FCRL5: variants seen among roughly 807,000 people sequenced by gnomAD.
FCRL5 encodes the protein Fc receptor-like protein 5.
FCRL5 carries 79 observed loss-of-function variants against 92.1 expected under a neutral mutation model. The observed-to-expected ratio is 0.86, with a 90% CI of 0.72 to 1.03. FCRL5 has a LOEUF of 1.03. Ranked by LOEUF, FCRL5 falls within the 50% of genes least tolerant of loss-of-function variation. The probability of loss-of-function intolerance (pLI) is 0.00; values close to 1 mark genes in which losing one functional copy is unlikely to be tolerated. For missense variants in FCRL5, 1,160 were observed against 1,181.1 expected (o/e 0.98, Z 0.26); for synonymous variants, 466 against 469.3 (o/e 0.99, Z 0.09).
chr1:157,524,770 GT>G (rs1249016094), intron 9 of FCRL5, among the ~76,000 whole-genome samples: 2 of 152,180 alleles, frequency 1.3e-5, no homozygotes, highest in African/African-American at 2.4e-5. Flanking sequence ...ACTCAAATGT[GT>G]TTGAAGAATG....
At chr1:157,518,606 T>C (rs1650036409) in intron 14 of FCRL5, 94 bp downstream of exon 14, 2 of 1,457,004 alleles carry the variant, frequency 1.4e-6, no homozygotes, top group African/African-American at 2.8e-5. Flanking sequence ...TAGAGCCCTC[T>C]AGGCCTCGGC....
At chr1:157,543,906 G>C (rs1651391234) in intron 5 of FCRL5, among the ~76,000 whole-genome samples, 1 of 151,992 alleles carries the variant, frequency 6.6e-6, no homozygotes, top group Non-Finnish European at 1.5e-5. Context: ...TGTTAATTGG[G>C]ACAACAGATA....
Position 157,524,260 on chromosome 1 carries a change from G to A in FCRL5, c.2239+19C>T, listed in dbSNP as rs1650322532. On this transcript the variant is annotated intron_variant, in intron 10 of 16. Transcript: ENST00000361835. ...CAGTCAGTTCTCAGATGTGCTGCTG[G>A]TGGGCAGGGCCCACTCACCTGCAAC... The A allele has an allele frequency of 6.2e-7, 1 of 1,613,642 alleles. No homozygotes were observed. Among genetic ancestry groups the A allele is most frequent in the Non-Finnish European group, 8.5e-7 (1 of 1,179,592 alleles).
At chr1:157,540,462 A>G (rs528001142) in intron 6 of FCRL5, among the ~76,000 whole-genome samples, 47 of 152,176 alleles carry the variant, frequency 3.1e-4, no homozygotes, top group African/African-American at 1.0e-3. Context: ...CCTAGATAAA[A>G]GGTTTTTACC....
intron 12 of FCRL5, among the ~76,000 whole-genome samples, chr1:157,520,081 T>G (rs1221984653): frequency 3.3e-5 from 5 of 152,182 alleles, no homozygotes; most frequent in Non-Finnish European, 5.9e-5. Flanking sequence ...ATCGGAAAAT[T>G]ACTGAATCCT....
At chr1:157,528,638 G>T (rs1336789406) in intron 8 of FCRL5, 1 of 152,134 alleles carries the variant, frequency 6.6e-6, no homozygotes, top group African/African-American at 2.4e-5. Context: ...TGGAAGGAGA[G>T]AACACAGAAA....
At position 157,515,857 on chromosome 1, in the gene FCRL5, C is replaced by T. The variant is rs546835615; in HGVS notation, c.2829G>A (p.Arg943=). 3.7e-6 allele frequency: 6 copies of T among 1,613,992 alleles called. No homozygotes were observed. In the Admixed American group the frequency reaches 5.0e-5, roughly 13 times the overall value. ...KKKHAVASDP[R]HLRNKGSPII... ...GGAGACTCACCTTGTTCCTGAGATG[C>T]CTGGGGTCAGAGGCCACTGTGGAAA... is the stretch of plus-strand genomic sequence containing the variant. Residue 943 remains arginine, a synonymous_variant, in exon 16 of 17, where the codon AGG becomes AGA. Coordinates refer to ENST00000361835, the MANE Select transcript of FCRL5 (RefSeq NM_031281.3).
rs1026696061 is a variant in FCRL5, at chr1:157,515,969, C to A, written c.2813-96G>T. 8.1e-6 allele frequency: 11 copies of A among 1,360,594 alleles called. No individual in the cohort carries two copies. In the African/African-American group the frequency reaches 1.0e-4, roughly 12 times the overall value. 84.3% of individuals were successfully genotyped at this position (1,360,594 alleles called of 1,614,324 possible). A position where few individuals can be genotyped will look rare whatever the true frequency, so the allele number is the denominator to read the frequency against. On this transcript the variant is annotated intron_variant, in intron 15 of 16. Coordinates refer to ENST00000361835, the MANE Select transcript of FCRL5 (RefSeq NM_031281.3). Reference sequence around the variant, plus strand: ...GGCCAGCCCTGAGCCTCCTGGAGGCCCGCTCTCCCTCTGTGCGGTGAGTAG... The same window carrying A: ...GGCCAGCCCTGAGCCTCCTGGAGGCACGCTCTCCCTCTGTGCGGTGAGTAG...
At position 157,545,034 on chromosome 1, in the gene FCRL5, A is replaced by G. The variant is rs1481540634; in HGVS notation, c.356T>C (p.Val119Ala). 1.2e-6 allele frequency: 2 copies of G among 1,613,196 alleles called. No homozygotes were observed. The highest frequency in any genetic ancestry group is 1.7e-6 in the Non-Finnish European group (2 of 1,180,030). The change falls in exon 4 of 17, where the codon GTG becomes GCG. Residue 119 changes from valine to alanine, a missense_variant. Val to Ala is a moderately conservative substitution (Grantham distance 64). Coordinates refer to ENST00000361835, the MANE Select transcript of FCRL5 (RefSeq NM_031281.3). The stretch of plus-strand genomic sequence containing the variant: ...CGCCTTTGCCCGGCACCTCAGAACC[A>G]CAGAGTCTCCTTCAAACACAGAAAG... ...APLSVFEGDS[V>A]VLRCRAKAEV...
rs754816191 is a variant in FCRL5, at chr1:157,524,469, C to G, written c.2049G>C (p.Leu683=). 6.2e-7 allele frequency: 1 copy of G among 1,614,222 alleles called. No homozygotes were observed. The highest frequency in any genetic ancestry group is 1.1e-5 in the South Asian group (1 of 91,086). The change falls in exon 10 of 17, where the codon CTG becomes CTC. Residue 683 remains leucine (L), a synonymous_variant. Coordinates refer to ENST00000361835, the MANE Select transcript of FCRL5 (RefSeq NM_031281.3). ...GDLLELHCEA[L]RGSSPILYWF... is the part of the protein sequence containing the mutation. ...AGTACAGGATTGGGGAGGAGCCTCT[C>G]AGGGCCTCACAGTGAAGCTCCAGCA...
chr1:157,548,692 C>T (rs1053294532), intron 2 of FCRL5, among the ~76,000 whole-genome samples: 2 of 152,214 alleles, frequency 1.3e-5, no homozygotes, highest in African/African-American at 4.8e-5. Context: ...AAATGCTCAT[C>T]ATCACTGGCC....
chr1:157,533,232 A>G (rs1650779441), intron 8 of FCRL5: 1 of 152,044 alleles, frequency 6.6e-6, no homozygotes, highest in Non-Finnish European at 1.5e-5. Context: ...TTTGAGTTTC[A>G]TTTTACTCTT....
chr1:157,552,469 A>G lies in FCRL5; in HGVS notation c.-107T>C. ...AGGACACTGCACACCAGCTCCAAGG[A>G]GCACATCTGAGAAGCTGTGCTCTCA... is the stretch of plus-strand genomic sequence containing the variant. On this transcript the variant is annotated 5_prime_UTR_variant, in exon 1 of 17. Coordinates refer to ENST00000361835, the MANE Select transcript of FCRL5 (RefSeq NM_031281.3). 1 of 1,133,964 alleles carries G rather than the reference A, an allele frequency of 8.8e-7. No individual in the cohort carries two copies. The highest frequency in any genetic ancestry group is 1.2e-5 in the South Asian group (1 of 80,162). The allele number at this position is 1,133,964 out of a possible 1,614,324, so 70.2% of individuals were successfully genotyped here. A position where few individuals can be genotyped will look rare whatever the true frequency, so the allele number is the denominator to read the frequency against.
intron 2 of FCRL5, 25 bp from the exon 3 acceptor site, chr1:157,547,222 C>G: frequency 6.2e-7 from 1 of 1,611,710 alleles, no homozygotes; most frequent in South Asian, 1.1e-5. Context: ...GAAAAGGAGT[C>G]TGAGGTGGAG....
rs113588617 is a variant in FCRL5 at position 157,524,567 on chromosome 1, GA to G, written c.1961-11del. On this transcript the variant is annotated splice_polypyrimidine_tract_variant and intron_variant, in intron 9 of 16. Transcript: ENST00000361835. ...GGACGAGATACTGGAACTGAGGGAGGAAAAACGTTATGTATCAGCTGCTTCT... is the reference window on the plus strand; with the variant it reads ...GGACGAGATACTGGAACTGAGGGAGGAAAACGTTATGTATCAGCTGCTTCT... 41,944 of 1,567,858 alleles carry G rather than the reference GA, an allele frequency of 0.027. 3,326 individuals are homozygous for G. The African/African-American group carries it at 0.28, about 10-fold the overall frequency.
intron 5 of FCRL5, among the ~76,000 whole-genome samples, chr1:157,543,425 A>G (rs539276901): frequency 1.7e-4 from 26 of 152,272 alleles, no homozygotes; most frequent in Admixed American, 1.6e-3. Flanking sequence ...TTTTTCCTTA[A>G]AGATTAGCAT....
At chr1:157,525,392 A>G (rs1428520100) in intron 9 of FCRL5, among the ~76,000 whole-genome samples, 1 of 152,244 alleles carries the variant, frequency 6.6e-6, no homozygotes, top group African/African-American at 2.4e-5. Flanking sequence ...TTTTGAAATA[A>G]AGTAGCATCA....
Position 157,515,435 on chromosome 1 carries a change from TG to T in FCRL5, c.*239del. 1.5e-6 allele frequency: 1 copy of T among 672,390 alleles called. No homozygotes were observed. The highest frequency in any genetic ancestry group is 2.4e-6 in the Non-Finnish European group (1 of 411,524). The allele number at this position is 672,390 out of a possible 1,614,324, so 41.7% of individuals were successfully genotyped here. A position where few individuals can be genotyped will look rare whatever the true frequency, so the allele number is the denominator to read the frequency against. On this transcript the variant is annotated 3_prime_UTR_variant, in exon 17 of 17. Coordinates refer to ENST00000361835, the MANE Select transcript of FCRL5 (RefSeq NM_031281.3). ...GGAATCCAGGAGATGTGCTGGGCCC[TG>T]GAGTGGGAGCACCTTGCCACTGGAT...
Position 157,546,495 on chromosome 1 carries a change from C to G in FCRL5, c.307+448G>C, listed in dbSNP as rs12038901. Among the ~76,000 whole-genome samples the G allele has an allele frequency of 3.6e-3, 552 of 151,726 alleles. 12 individuals are homozygous for G. Among genetic ancestry groups the G allele is most frequent in the East Asian group, 0.022 (113 of 5,182 alleles). On this transcript the variant is annotated intron_variant, in intron 3 of 16. Transcript: ENST00000361835. ...CAAACCAAACCAAACCAAACCAAAC[C>G]AAACCAAAAAGCTATACATAGATTC...
Sources: gnomAD v4.1 joint callset for allele counts (sites outside exome capture counted in the v4.1 genomes callset) on GRCh38, gnomAD v4.1.1 for gene constraint, MANE v1.5 for transcripts, NCBI Gene and HGNC (gene_info 2026-07-23, HGNC 2026-07-21) for gene names.